The following SOAT1 variants were observed in gnomAD, a reference collection of about 807,000 sequenced individuals.
SOAT1 encodes sterol O-acyltransferase 1.
In SOAT1, 55 loss-of-function variants were observed where a neutral mutation model predicts 69.5. The observed-to-expected ratio is 0.79, with a 90% CI of 0.64 to 0.99. SOAT1 has a LOEUF of 0.99. SOAT1 is among the 50% of genes least tolerant of loss of function. The probability of loss-of-function intolerance (pLI) is 0.00; values close to 1 mark genes in which losing one functional copy is unlikely to be tolerated. For missense variants in SOAT1, 580 were observed against 669.3 expected (o/e 0.87, Z 1.47); for synonymous variants, 231 against 224.7 (o/e 1.03, Z -0.25).
In SOAT1 at chr1:179,342,167, A is replaced by G. The variant is rs1445646203; in HGVS notation, c.834A>G (p.Val278=). 18 of 1,613,206 alleles carry G rather than the reference A, an allele frequency of 1.1e-5. No homozygotes were observed. The highest frequency in any genetic ancestry group is 1.4e-5 in the Non-Finnish European group (17 of 1,179,424). The change falls in exon 8 of 16, where the codon GTA becomes GTG. Residue 278 remains valine (V), a synonymous_variant. Transcript: ENST00000367619. ...TTGTCAGAGAGAACGTGCCTCGGGT[A>G]CTAAATTCAGCTAAGGAGAAATCAA... is the stretch of plus-strand genomic sequence containing the variant. ...HSFVRENVPR[V]LNSAKEKSST...
chr1:179,315,590 T>C (rs1408535734), intron 2 of SOAT1, among the ~76,000 whole-genome samples: 1 of 152,236 alleles, frequency 6.6e-6, no homozygotes, highest in Non-Finnish European at 1.5e-5. Flanking sequence ...AAGAGGTATT[T>C]TGAAGGTAAA....
At chr1:179,300,554 A>T (rs1664801336) in intron 1 of SOAT1, among the ~76,000 whole-genome samples, 1 of 152,202 alleles carries the variant, frequency 6.6e-6, no homozygotes, top group Non-Finnish European at 1.5e-5. Flanking sequence ...GCCGATCTAG[A>T]TTTGTCAGAT....
At chr1:179,315,316 C>T (rs957163788) in intron 2 of SOAT1, among the ~76,000 whole-genome samples, 9 of 151,734 alleles carry the variant, frequency 5.9e-5, no homozygotes, top group African/African-American at 9.7e-5. Flanking sequence ...GGTGTGGTGG[C>T]ATGTGAGTGT....
At chr1:179,336,152 CAA>C (rs35876000) in intron 4 of SOAT1, among the ~76,000 whole-genome samples, 74 of 110,352 alleles carry the variant, frequency 6.7e-4, no homozygotes, top group Non-Finnish European at 6.1e-4. Context: ...ACTCTGTCTC[CAA>C]AAAAAAAAAA....
Position 179,335,015 on chromosome 1 carries a change from CAAAAAAAA to C in SOAT1, c.178-476_178-469del, listed in dbSNP as rs10603546. ...AGGCAACAAGAGGAAAACTCCATCT[CAAAAAAAA>C]AAAAAAAAAAAAAAGAAAGAAAAAA... On this transcript the variant is annotated intron_variant, in intron 3 of 15. Transcript: ENST00000367619. Among the ~76,000 whole-genome samples the C allele has an allele frequency of 4.0e-3, 291 of 73,558 alleles. 1 individual carries two copies. The highest frequency in any genetic ancestry group is 0.015 in the African/African-American group (260 of 17,926). The allele number at this position is 73,558 out of a possible 152,430, so 48.3% of individuals were successfully genotyped here.
In SOAT1 at chr1:179,348,894, G is replaced by A; in HGVS notation, c.1266G>A (p.Val422=). The A allele has an allele frequency of 6.2e-7, 1 of 1,612,036 alleles. No homozygotes were observed. Among genetic ancestry groups the A allele is most frequent in the East Asian group, 2.2e-5 (1 of 44,862 alleles). ...CCAACTATTATAGAACCTGGAATGT[G>A]GTGGTCCATGACTGGCTATATTACT... ...SYSNYYRTWN[V]VVHDWLYYYA... Residue 422 remains valine, a synonymous_variant, in exon 13 of 16, where the codon GTG becomes GTA. Transcript: ENST00000367619.
rs1666984500 is a variant in SOAT1, at chr1:179,358,669, T to A, written c.*5028T>A. ...ATCTGAAGTTGTTATTAAAGGTTTT[T>A]CTATAGTGAAAGATGTCTTTTCTGA... On this transcript the variant is annotated 3_prime_UTR_variant, in exon 16 of 16. Coordinates refer to ENST00000367619, the MANE Select transcript of SOAT1 (RefSeq NM_003101.6). The A allele has an allele frequency of 6.6e-6, 1 of 152,206 alleles. No individual in the cohort carries two copies. Among genetic ancestry groups the A allele is most frequent in the African/African-American group, 2.4e-5 (1 of 41,436 alleles). The allele number at this position is 152,206 out of a possible 1,614,324, so 9.4% of individuals were successfully genotyped here. A position where few individuals can be genotyped will look rare whatever the true frequency, so the allele number is the denominator to read the frequency against.
intron 2 of SOAT1, among the ~76,000 whole-genome samples, chr1:179,311,549 G>A (rs1665221476): frequency 2.0e-5 from 3 of 151,480 alleles, no homozygotes; most frequent in Non-Finnish European, 4.4e-5. Flanking sequence ...CATGTCATGA[G>A]GGTTAAGTGA....
chr1:179,297,014 G>C (rs1312947577), intron 1 of SOAT1, among the ~76,000 whole-genome samples: 2 of 152,086 alleles, frequency 1.3e-5, no homozygotes, highest in Admixed American at 1.3e-4. Context: ...TTGTTACCTG[G>C]GGGGGAATAG....
At chr1:179,296,301 G>GA (rs956582731) in intron 1 of SOAT1, among the ~76,000 whole-genome samples, 3 of 152,084 alleles carry the variant, frequency 2.0e-5, no homozygotes, top group East Asian at 1.9e-4. Flanking sequence ...GTATGTATAG[G>GA]AAAAAACAAC....
intron 12 of SOAT1, among the ~76,000 whole-genome samples, chr1:179,347,973 CTGTT>C (rs776308499): frequency 3.3e-5 from 5 of 152,156 alleles, no homozygotes; most frequent in Non-Finnish European, 2.9e-5. Context: ...CAGTAGGAAA[CTGTT>C]TGTTCAGAGC....
chr1:179,325,292 G>C (rs763496735), intron 3 of SOAT1, among the ~76,000 whole-genome samples: 1 of 150,944 alleles, frequency 6.6e-6, no homozygotes, highest in African/African-American at 2.4e-5. Flanking sequence ...TGGGAGTACA[G>C]GTGCCCACCA....
At chr1:179,339,962 AC>A (rs1666277833) in intron 6 of SOAT1, among the ~76,000 whole-genome samples, 2 of 152,196 alleles carry the variant, frequency 1.3e-5, no homozygotes, top group Admixed American at 1.3e-4. Flanking sequence ...TGCAAAACAC[AC>A]ATATAAGAAT....
intron 2 of SOAT1, among the ~76,000 whole-genome samples, chr1:179,315,232 G>T (rs553897227): frequency 6.6e-6 from 1 of 152,270 alleles, no homozygotes; most frequent in Admixed American, 6.5e-5. Context: ...ATTGCTGGAG[G>T]CCAGGAGTTC....
In SOAT1 at chr1:179,342,403, TTTG is replaced by T. The variant is rs573175756; in HGVS notation, c.859+217_859+219del. Reference sequence around the variant, plus strand: ...GGATTATTGGCTGGATATTTCACCCTTTGTTGTTTTCTGGGATGTCACATTATA... The same window carrying T: ...GGATTATTGGCTGGATATTTCACCCTTTGTTTTCTGGGATGTCACATTATA... On this transcript the variant is annotated intron_variant, in intron 8 of 15. Transcript: ENST00000367619. 1.1e-4 allele frequency among the ~76,000 whole-genome samples: 16 copies of T among 152,024 alleles called. 1 individual carries two copies. In the East Asian group the frequency reaches 3.1e-3, roughly 29 times the overall value.
chr1:179,351,017 C>G lies in SOAT1; in HGVS notation c.1451-300C>G, dbSNP rs948670145. On this transcript the variant is annotated intron_variant, in intron 14 of 15. Coordinates refer to ENST00000367619, the MANE Select transcript of SOAT1 (RefSeq NM_003101.6). ...ATTATGTTTTGATACCTGTATATTT[C>G]TTTCTTTTTTTTTTTTTTTTTTTTT... 2.9e-4 allele frequency among the ~76,000 whole-genome samples: 4 copies of G among 13,954 alleles called. No homozygotes were observed. The East Asian group carries it at 7.4e-3, about 26-fold the overall frequency. 9.2% of individuals were successfully genotyped at this position (13,954 alleles called of 152,430 possible). A position where few individuals can be genotyped will look rare whatever the true frequency, so the allele number is the denominator to read the frequency against.
chr1:179,331,836 C>T (rs921267743), intron 3 of SOAT1, among the ~76,000 whole-genome samples: 2 of 152,084 alleles, frequency 1.3e-5, no homozygotes, highest in East Asian at 1.9e-4. Context: ...TTGTTTTGCT[C>T]AGAAAGGTCA....
intron 1 of SOAT1, chr1:179,294,529 C>T (rs1047703593): frequency 2.0e-5 from 3 of 152,140 alleles, no homozygotes; most frequent in Admixed American, 6.5e-5. Flanking sequence ...AGGTTAAGTT[C>T]GTTGGTCACT....
chr1:179,342,977 A>G (rs1465667985), intron 9 of SOAT1, 34 bp downstream of exon 9: 1 of 1,543,090 alleles, frequency 6.5e-7, no homozygotes, highest in East Asian at 2.2e-5. Flanking sequence ...TGTGGTAAAC[A>G]CCAAAAGTGT....
Sources: allele counts gnomAD v4.1 joint callset (sites outside exome capture counted in the v4.1 genomes callset), GRCh38; gene constraint gnomAD v4.1.1; transcripts MANE v1.5; gene names NCBI Gene and HGNC (gene_info 2026-07-23, HGNC 2026-07-21).